SYNDIG1L: variants seen among roughly 807,000 people sequenced by gnomAD.
SYNDIG1L encodes synapse differentiation-inducing gene protein 1-like.
A neutral mutation model predicts 20.1 loss-of-function variants in SYNDIG1L; 13 were observed. That is an observed-to-expected ratio of 0.65 (90% confidence interval 0.42 to 1.03). The LOEUF (loss-of-function observed/expected upper bound fraction) is 1.03. Ranked by LOEUF, SYNDIG1L falls within the 50% of genes least tolerant of loss-of-function variation. SYNDIG1L has a pLI of 0.00. For missense variants in SYNDIG1L, 294 were observed against 305.1 expected (o/e 0.96, Z 0.27); for synonymous variants, 128 against 129.3 (o/e 0.99, Z 0.07).
chr14:74,457,422 T>C, the SYNDIG1L span, among the ~76,000 whole-genome samples: 3 of 152,018 alleles, frequency 2.0e-5, no homozygotes, highest in Non-Finnish European at 4.4e-5. Flanking sequence ...GCACGCCTGA[T>C]TCACCAAGAG....
chr14:74,415,676 A>G (rs528453971), intron 1 of SYNDIG1L, among the ~76,000 whole-genome samples: 2 of 152,044 alleles, frequency 1.3e-5, no homozygotes, highest in East Asian at 1.9e-4. Flanking sequence ...GGTAGCTGGG[A>G]CTATAGGCAT....
At chr14:74,430,440 CTTT>C (rs59843281), upstream of SYNDIG1L, among the ~76,000 whole-genome samples, 2 of 147,112 alleles carry the variant, frequency 1.4e-5, no homozygotes, top group African/African-American at 2.5e-5. Flanking sequence ...AATACGCATT[CTTT>C]TTTTTTTTTT....
At chr14:74,418,431 C>A (rs2086194661) in intron 1 of SYNDIG1L, among the ~76,000 whole-genome samples, 1 of 152,246 alleles carries the variant, frequency 6.6e-6, no homozygotes, top group South Asian at 2.1e-4. Context: ...CTCCTAATTC[C>A]TGATCCTTCC....
the SYNDIG1L span, among the ~76,000 whole-genome samples, chr14:74,476,760 G>A: frequency 2.6e-4 from 39 of 152,148 alleles, no homozygotes; most frequent in Non-Finnish European, 4.6e-4. Flanking sequence ...CAAACCCCTG[G>A]TTTGGAGAGC....
At position 74,422,906 on chromosome 14, in the gene SYNDIG1L, C is replaced by T. The variant is rs534720363; in HGVS notation, c.-58+3006G>A. ...AGAGATGGGGGTTTCGCCATGTTGG[C>T]CAGGCTGGTCTCGAACTCCTGACCT... On this transcript the variant is annotated intron_variant, in intron 1 of 3. Transcript: ENST00000331628. Among the ~76,000 whole-genome samples the T allele has an allele frequency of 4.1e-3, 625 of 152,112 alleles. 3 individuals carry two copies. Among genetic ancestry groups the T allele is most frequent in the African/African-American group, 0.014 (573 of 41,472 alleles).
At chr14:74,461,721 C>T in the SYNDIG1L span, among the ~76,000 whole-genome samples, 2 of 151,586 alleles carry the variant, frequency 1.3e-5, no homozygotes. Flanking sequence ...GTCTCCCTGC[C>T]TTCATTCTCT....
At chr14:74,432,180 T>TGTGTGAGA in the SYNDIG1L span, among the ~76,000 whole-genome samples, 1,347 of 124,028 alleles carry the variant, frequency 0.011, 19 homozygotes, top group African/African-American at 0.032. Flanking sequence ...TGTGTGTGTG[T>TGTGTGAGA]GAGAGAGAGA....
intron 1 of SYNDIG1L, among the ~76,000 whole-genome samples, chr14:74,415,778 C>T (rs957240023): frequency 3.9e-5 from 6 of 151,902 alleles, no homozygotes; most frequent in South Asian, 4.2e-4. Flanking sequence ...TGGGCTCAAG[C>T]GACCCTCCCA....
the SYNDIG1L span, among the ~76,000 whole-genome samples, chr14:74,467,700 G>C: frequency 6.6e-6 from 1 of 152,216 alleles, no homozygotes; most frequent in African/African-American, 2.4e-5. Context: ...AGGAGGGATT[G>C]GGGGGAAGCC....
the SYNDIG1L span, among the ~76,000 whole-genome samples, chr14:74,454,367 G>A: frequency 6.6e-6 from 1 of 152,152 alleles, no homozygotes; most frequent in African/African-American, 2.4e-5. Flanking sequence ...CACACATTAG[G>A]AAATGTAAAT....
chr14:74,455,281 T>G, the SYNDIG1L span, among the ~76,000 whole-genome samples: 1 of 152,164 alleles, frequency 6.6e-6, no homozygotes, highest in Admixed American at 6.5e-5. Flanking sequence ...TGAGGACACC[T>G]TTCGTGTCCC....
chr14:74,440,969 G>GT, the SYNDIG1L span, among the ~76,000 whole-genome samples: 5 of 152,106 alleles, frequency 3.3e-5, no homozygotes, highest in East Asian at 1.9e-4. Flanking sequence ...CTGAACCTCA[G>GT]TTTTTTTATC....
At chr14:74,460,396 A>C in the SYNDIG1L span, among the ~76,000 whole-genome samples, 16 of 151,902 alleles carry the variant, frequency 1.1e-4, no homozygotes, top group African/African-American at 3.4e-4. Context: ...TGGTCACTCT[A>C]CTGTAGGCCC....
At chr14:74,476,437 A>G in the SYNDIG1L span, 1 of 1,106,924 alleles carries the variant, frequency 9.0e-7, no homozygotes, top group East Asian at 2.6e-5. Context: ...GCTAGAAGGG[A>G]GCCGTCCTTC....
chr14:74,436,211 A>C, the SYNDIG1L span, among the ~76,000 whole-genome samples: 1 of 146,468 alleles, frequency 6.8e-6, no homozygotes, highest in Non-Finnish European at 1.5e-5. Context: ...CTTCCTTGAA[A>C]TCCCTTACCC....
At chr14:74,437,611 T>A in the SYNDIG1L span, among the ~76,000 whole-genome samples, 1 of 152,118 alleles carries the variant, frequency 6.6e-6, no homozygotes. Context: ...CTTTTAATAA[T>A]GTCAGAGGAG....
intron 1 of SYNDIG1L, among the ~76,000 whole-genome samples, chr14:74,411,405 G>A (rs895226164): frequency 1.3e-5 from 2 of 152,196 alleles, no homozygotes; most frequent in African/African-American, 4.8e-5. Context: ...TGGCCTTCTA[G>A]CAGGTCTCTG....
intron 1 of SYNDIG1L, among the ~76,000 whole-genome samples, chr14:74,413,938 G>C (rs919032072): frequency 6.6e-6 from 1 of 152,174 alleles, no homozygotes; most frequent in East Asian, 1.9e-4. Context: ...GGGCCACATG[G>C]GGAGTTCGCG....
At chr14:74,455,484 C>G in the SYNDIG1L span, among the ~76,000 whole-genome samples, 1 of 151,868 alleles carries the variant, frequency 6.6e-6, no homozygotes, top group Non-Finnish European at 1.5e-5. Flanking sequence ...CAACCTCCTC[C>G]TCCCAAGTTC....
Sources: allele counts gnomAD v4.1 joint callset (sites outside exome capture counted in the v4.1 genomes callset), GRCh38; gene constraint gnomAD v4.1.1; transcripts MANE v1.5; gene names NCBI Gene and HGNC (gene_info 2026-07-23, HGNC 2026-07-21).